ASIC2: variants seen among roughly 807,000 people sequenced by gnomAD.
ASIC2 encodes acid-sensing ion channel 2.
Under a neutral mutation model 57.3 loss-of-function variants are expected in ASIC2, and 25 were observed. That is an observed-to-expected ratio of 0.44 (90% CI 0.32 to 0.61). The LOEUF is 0.61. Among genes scored for constraint, ASIC2 ranks in the 20% least tolerant of loss-of-function variants. The pLI is 0.06. For missense variants in ASIC2, 641 were observed against 738.1 expected, an observed-to-expected ratio of 0.87 and a Z score of 1.52; for synonymous variants, 319 against 307.5, an observed-to-expected ratio of 1.04 and a Z score of -0.39.
At chr17:34,034,866 CACAA>C (rs1157927017) in intron 1 of ASIC2, among the ~76,000 whole-genome samples, 1 of 152,066 alleles carries the variant, frequency 6.6e-6, no homozygotes, top group African/African-American at 2.4e-5. Context: ...TAAAAGAGGA[CACAA>C]ACAAATGGAA....
At chr17:33,299,783 A>G (rs1050949847) in intron 1 of ASIC2, among the ~76,000 whole-genome samples, 1 of 152,206 alleles carries the variant, frequency 6.6e-6, no homozygotes, top group Non-Finnish European at 1.5e-5. Flanking sequence ...TAGGAAGCTC[A>G]TGCTCCACAG....
intron 1 of ASIC2, among the ~76,000 whole-genome samples, chr17:33,973,143 CCTT>C (rs1425707392): frequency 2.0e-5 from 3 of 152,222 alleles, no homozygotes; most frequent in Non-Finnish European, 4.4e-5. Flanking sequence ...GGAGCAGAAA[CCTT>C]CTCCACAGAG....
chr17:33,178,704 C>T (rs1416486456), intron 1 of ASIC2, among the ~76,000 whole-genome samples: 2 of 152,202 alleles, frequency 1.3e-5, no homozygotes, highest in African/African-American at 4.8e-5. Flanking sequence ...TGCGTCCCTC[C>T]ACCAACCTAG....
intron 1 of ASIC2, among the ~76,000 whole-genome samples, chr17:33,255,102 C>T (rs1441313795): frequency 7.1e-6 from 1 of 140,286 alleles, no homozygotes; most frequent in Non-Finnish European, 1.5e-5. Context: ...TGCAGTGGCA[C>T]GATCTCGGCT....
At position 33,170,981 on chromosome 17, in the gene ASIC2, A is replaced by G. The variant is rs544165929; in HGVS notation, c.709-58914T>C. Reference sequence around the variant, plus strand: ...CCTCTTCCCCTCTACAGGCCTTCAGATGTGTGATGTTGTGGGCCTCAACAA... The same window carrying G: ...CCTCTTCCCCTCTACAGGCCTTCAGGTGTGTGATGTTGTGGGCCTCAACAA... On this transcript the variant is annotated intron_variant, in intron 1 of 9. Coordinates refer to ENST00000225823, the MANE Select transcript of ASIC2 (RefSeq NM_183377.2). Among the ~76,000 whole-genome samples, 5 of 152,206 alleles carry G rather than the reference A, an allele frequency of 3.3e-5. No homozygotes were observed. The South Asian group carries it at 1.0e-3, about 32-fold the overall frequency.
At chr17:33,291,026 A>G (rs1301091921) in intron 1 of ASIC2, 2 of 144,826 alleles carry the variant, frequency 1.4e-5, no homozygotes. Context: ...GTCCGCACTT[A>G]AGAGATCTAC....
chr17:33,842,818 C>T (rs1406231458), intron 1 of ASIC2, among the ~76,000 whole-genome samples: 1 of 152,198 alleles, frequency 6.6e-6, no homozygotes, highest in Non-Finnish European at 1.5e-5. Flanking sequence ...CGAGAACCCA[C>T]TCACTATGTA....
At chr17:33,935,353 C>T (rs1916036354) in intron 1 of ASIC2, 2 of 152,202 alleles carry the variant, frequency 1.3e-5, no homozygotes, top group Admixed American at 6.5e-5. Flanking sequence ...GGGCTTCTCC[C>T]CACCTCCAGG....
In ASIC2 at chr17:33,260,821, G is replaced by C. The variant is rs191974655; in HGVS notation, c.708+30587C>G. Among the ~76,000 whole-genome samples, 312 of 152,272 alleles carry C rather than the reference G, an allele frequency of 2.0e-3. 3 individuals carry two copies. The highest frequency in any genetic ancestry group is 6.0e-4 in the Non-Finnish European group (41 of 68,030). On this transcript the variant is annotated intron_variant, in intron 1 of 9. Transcript: ENST00000225823. ...GCTGACTGGCTCCTCACACCGTGCA[G>C]GTGCAGCCCCAGTGCGTCTGCATGT...
intron 1 of ASIC2, among the ~76,000 whole-genome samples, chr17:33,601,625 G>C (rs1905117135): frequency 6.6e-6 from 1 of 152,206 alleles, no homozygotes; most frequent in African/African-American, 2.4e-5. Context: ...ACTTATCCTG[G>C]AGTTAAGTCA....
intron 1 of ASIC2, among the ~76,000 whole-genome samples, chr17:33,917,963 GCACACACACA>G (rs35792828): frequency 1.4e-4 from 20 of 138,460 alleles, no homozygotes; most frequent in Non-Finnish European, 2.2e-4. Context: ...ACGTGCATGT[GCACACACACA>G]CACACACACA....
chr17:33,816,270 T>C (rs1965378621), intron 1 of ASIC2, among the ~76,000 whole-genome samples: 2 of 152,146 alleles, frequency 1.3e-5, no homozygotes, highest in South Asian at 4.1e-4. Context: ...TTCTCATTCT[T>C]AATGTTCCAA....
intron 1 of ASIC2, among the ~76,000 whole-genome samples, chr17:33,573,303 G>A (rs943862603): frequency 6.6e-6 from 1 of 152,116 alleles, no homozygotes; most frequent in African/African-American, 2.4e-5. Context: ...TTATTTATAA[G>A]TATATAAAAT....
rs1304083404 is a variant in ASIC2 at position 34,156,214 on chromosome 17, G to T, written c.319C>A (p.Leu107Met). 1 of 1,614,046 alleles carries T rather than the reference G, an allele frequency of 6.2e-7. No homozygotes were observed. The highest frequency in any genetic ancestry group is 8.5e-7 in the Non-Finnish European group (1 of 1,180,046). ...GCCAGCAGCTCCCCAGCATGGTACA[G>T]GTCATTGGTGGTGAGCCTGGAGAAC... Residue 107 changes from leucine to methionine, a missense_variant, in exon 1 of 10, where the codon CTG (leucine) becomes ATG (methionine). By Grantham distance (15) the Leu-to-Met change is conservative. Coordinates refer to the ASIC2 transcript ENST00000359872. The surrounding 1 kb of genome is among the most constrained non-coding windows in gnomAD (Gnocchi z 4.4).
intron 1 of ASIC2, among the ~76,000 whole-genome samples, chr17:33,601,320 C>CTAGG (rs1555546780): frequency 6.6e-6 from 1 of 152,174 alleles, no homozygotes; most frequent in Admixed American, 6.5e-5. Context: ...TCCTTTCCAT[C>CTAGG]TAGGGCCTTG....
At chr17:34,000,689 T>C (rs911243929) in intron 1 of ASIC2, 1 of 152,254 alleles carries the variant, frequency 6.6e-6, no homozygotes, top group African/African-American at 2.4e-5. Flanking sequence ...CTTTCTTTGC[T>C]CCTTCAGGGA....
chr17:34,083,365 T>C (rs1567814161), intron 1 of ASIC2, among the ~76,000 whole-genome samples: 3 of 152,018 alleles, frequency 2.0e-5, no homozygotes, highest in African/African-American at 7.2e-5. Flanking sequence ...TCATTTTTTA[T>C]GGCTGCATAG....
At chr17:33,579,360 G>A (rs1002817155) in intron 1 of ASIC2, among the ~76,000 whole-genome samples, 7 of 151,388 alleles carry the variant, frequency 4.6e-5, no homozygotes, top group African/African-American at 9.7e-5. Flanking sequence ...GATGTGGCTT[G>A]GTATGTTTAC....
intron 1 of ASIC2, among the ~76,000 whole-genome samples, chr17:33,518,913 C>T (rs908980626): frequency 3.3e-5 from 5 of 151,938 alleles, no homozygotes; most frequent in East Asian, 3.9e-4. Flanking sequence ...CTCCGCCTTC[C>T]GGGTTCACGC....
Sources: gnomAD v4.1 joint callset for allele counts (sites outside exome capture counted in the v4.1 genomes callset) on GRCh38, gnomAD v4.1.1 for gene constraint, Gnocchi (gnomAD v3.1) non-coding constraint, MANE v1.5 for transcripts, NCBI Gene and HGNC (gene_info 2026-07-23, HGNC 2026-07-21) for gene names.